THNSL1: variants seen among roughly 807,000 people sequenced by gnomAD.
THNSL1 encodes threonine synthase like 1.
THNSL1 carries 48 observed loss-of-function variants against 50.4 expected under a neutral mutation model. The observed-to-expected ratio is 0.95, with a 90% confidence interval of 0.76 to 1.21. The LOEUF (loss-of-function observed/expected upper bound fraction) is 1.21, where lower values mean the gene tolerates loss of function less well. Ranked by LOEUF, THNSL1 falls within the 50% of genes most tolerant of loss-of-function variation. THNSL1 has a pLI of 0.00. For missense variants in THNSL1, 896 were observed against 871.7 expected (o/e 1.03, Z -0.35); for synonymous variants, 309 against 306.1 (o/e 1.01, Z -0.10).
chr10:24,956,104 T>A, the THNSL1 span, among the ~76,000 whole-genome samples: 1 of 152,208 alleles, frequency 6.6e-6, no homozygotes, highest in African/African-American at 2.4e-5. Flanking sequence ...AGGGATATTT[T>A]AGCTCAGACT....
At chr10:24,991,624 G>A in the THNSL1 span, among the ~76,000 whole-genome samples, 1 of 152,094 alleles carries the variant, frequency 6.6e-6, no homozygotes, top group African/African-American at 2.4e-5. Flanking sequence ...CCGGCTCCAG[G>A]GAAAAACCAT....
At chr10:24,998,711 T>A in the THNSL1 span, among the ~76,000 whole-genome samples, 3 of 152,118 alleles carry the variant, frequency 2.0e-5, no homozygotes, top group African/African-American at 4.8e-5. Flanking sequence ...CTTTCCCTGA[T>A]AGCTTTCTTT....
At chr10:24,974,121 T>C in the THNSL1 span, among the ~76,000 whole-genome samples, 1 of 152,076 alleles carries the variant, frequency 6.6e-6, no homozygotes, top group African/African-American at 2.4e-5. Flanking sequence ...TTAGAACATA[T>C]TATAGGAGAG....
chr10:25,006,991 A>T, the THNSL1 span, among the ~76,000 whole-genome samples: 2 of 152,220 alleles, frequency 1.3e-5, no homozygotes, highest in Non-Finnish European at 2.9e-5. Flanking sequence ...TATTGCTATT[A>T]ATAGTATTCT....
Position 25,024,051 on chromosome 10 carries a change from C to T in THNSL1, c.828C>T (p.Ser276=). 1.9e-6 allele frequency: 3 copies of T among 1,614,160 alleles called. No homozygotes were observed. The East Asian group carries it at 6.7e-5, about 36-fold the overall frequency. The part of the protein sequence containing the change: ...FVPAKEFPKL[S]CGEWKSLVGA... Reference sequence around the variant, plus strand: ...CTGCAAAGGAGTTTCCAAAATTAAGCTGCGGGGAGTGGAAAAGCCTAGTAG... The same window carrying T: ...CTGCAAAGGAGTTTCCAAAATTAAGTTGCGGGGAGTGGAAAAGCCTAGTAG... The change falls in exon 3 of 3, where the codon AGC becomes AGT. Residue 276 remains serine (S), a synonymous_variant. Transcript: ENST00000376356.
the THNSL1 span, among the ~76,000 whole-genome samples, chr10:24,961,678 TA>T: frequency 0.086 from 13,148 of 152,202 alleles, 739 homozygotes; most frequent in South Asian, 0.14. Context: ...TTGGAACTAA[TA>T]AAAAAAGTCA....
At chr10:24,985,074 T>C in the THNSL1 span, among the ~76,000 whole-genome samples, 1 of 152,334 alleles carries the variant, frequency 6.6e-6, no homozygotes, top group East Asian at 1.9e-4. Flanking sequence ...CCAAAAATAC[T>C]GTACAGAGGC....
chr10:24,957,079 T>C, the THNSL1 span, among the ~76,000 whole-genome samples: 1,402 of 152,298 alleles, frequency 9.2e-3, 68 homozygotes, highest in Admixed American at 0.074. Flanking sequence ...GACTACTGCG[T>C]TAGTGTACCA....
the THNSL1 span, among the ~76,000 whole-genome samples, chr10:24,979,602 G>A: frequency 1.3e-5 from 2 of 152,142 alleles, no homozygotes; most frequent in South Asian, 2.1e-4. Context: ...CTAAATGGCA[G>A]TTGCTGAGAG....
chr10:24,965,416 T>C, the THNSL1 span, among the ~76,000 whole-genome samples: 1 of 152,220 alleles, frequency 6.6e-6, no homozygotes, highest in Non-Finnish European at 1.5e-5. Flanking sequence ...GCCCTGATTC[T>C]GAGCCCCAGC....
At chr10:25,015,091 G>T (rs924224552), upstream of THNSL1, among the ~76,000 whole-genome samples, 1 of 152,194 alleles carries the variant, frequency 6.6e-6, no homozygotes, top group African/African-American at 2.4e-5. Flanking sequence ...AGTCCTAGGA[G>T]AAATGAGATT....
chr10:24,995,704 G>C, the THNSL1 span: 37 of 1,613,844 alleles, frequency 2.3e-5, no homozygotes, highest in Non-Finnish European at 3.1e-5. Context: ...CTTGTCTCCA[G>C]TTCTTTTATC....
the THNSL1 span, among the ~76,000 whole-genome samples, chr10:24,970,596 C>T: frequency 6.6e-6 from 1 of 151,954 alleles, no homozygotes; most frequent in Admixed American, 6.6e-5. Context: ...ACCTGTAGTT[C>T]CAGCTACTTG....
chr10:24,999,335 A>G, the THNSL1 span: 2 of 1,474,814 alleles, frequency 1.4e-6, no homozygotes, highest in African/African-American at 1.4e-5. Context: ...TTCATCAACA[A>G]TAAAATAATA....
chr10:25,004,765 T>C, the THNSL1 span, among the ~76,000 whole-genome samples: 1 of 152,234 alleles, frequency 6.6e-6, no homozygotes, highest in Non-Finnish European at 1.5e-5. Flanking sequence ...TTTACTTTAA[T>C]TAGATCCCAT....
the THNSL1 span, chr10:24,952,409 G>T: frequency 8.4e-7 from 1 of 1,189,760 alleles, no homozygotes; most frequent in Non-Finnish European, 1.2e-6. The surrounding 1 kb of genome is among the most constrained non-coding windows in gnomAD (Gnocchi z 5.1). Flanking sequence ...CCGCCGGGAG[G>T]GAGAACAAAG....
At chr10:24,988,346 ATT>A in the THNSL1 span, among the ~76,000 whole-genome samples, 1 of 145,560 alleles carries the variant, frequency 6.9e-6, no homozygotes, top group Non-Finnish European at 1.5e-5. Flanking sequence ...GTATATATAT[ATT>A]TATATATGTG....
chr10:25,024,260 C>T lies in THNSL1; in HGVS notation c.1037C>T (p.Pro346Leu). 6.2e-7 allele frequency: 1 copy of T among 1,614,152 alleles called. No homozygotes were observed. The highest frequency in any genetic ancestry group is 8.5e-7 in the Non-Finnish European group (1 of 1,180,014). The change falls in exon 3 of 3, where the codon CCA (proline) becomes CTA (leucine). Residue 346 changes from proline to leucine, a missense_variant. Physicochemically the swap from Pro to Leu is moderately conservative, Grantham distance 98. Transcript: ENST00000376356. ...NQFILELFHG[P>L]TGSFKDLSLQ... Reference sequence around the variant, plus strand: ...TTCATCCTGGAGTTGTTTCATGGACCAACAGGATCATTTAAAGATTTGTCT... The same window carrying T: ...TTCATCCTGGAGTTGTTTCATGGACTAACAGGATCATTTAAAGATTTGTCT...
Position 25,024,630 on chromosome 10 carries a change from C to T in THNSL1, c.1407C>T (p.Asn469=), listed in dbSNP as rs753128580. Residue 469 remains asparagine, a synonymous_variant, in exon 3 of 3, where the codon AAC becomes AAT. Transcript: ENST00000376356. The part of the protein sequence containing the change: ...VEYGTILSSA[N]SINWGRLLPQ... ...ATGGAACAATCTTAAGTTCGGCTAACTCCATAAACTGGGGCCGACTACTTC... is the reference window on the plus strand; with the variant it reads ...ATGGAACAATCTTAAGTTCGGCTAATTCCATAAACTGGGGCCGACTACTTC... 5 of 1,614,238 alleles carry T rather than the reference C, an allele frequency of 3.1e-6. 1 individual carries two copies. In the South Asian group the frequency reaches 5.5e-5, roughly 18 times the overall value.
Sources: allele counts gnomAD v4.1 joint callset (sites outside exome capture counted in the v4.1 genomes callset), GRCh38; gene constraint gnomAD v4.1.1; non-coding constraint Gnocchi (gnomAD v3.1); transcripts MANE v1.5; gene names NCBI Gene and HGNC (gene_info 2026-07-23, HGNC 2026-07-21).